The following DLGAP1 variants were observed in gnomAD, a reference collection of about 807,000 sequenced individuals.
DLGAP1 encodes disks large-associated protein 1.
In DLGAP1, 11 loss-of-function variants were observed where a neutral mutation model predicts 90.8. The ratio of observed to expected loss-of-function variants is 0.12; its 90% CI spans 0.08 to 0.20. The LOEUF (loss-of-function observed/expected upper bound fraction) is 0.20. Among genes scored for constraint, DLGAP1 ranks in the 10% least tolerant of loss-of-function variants. DLGAP1 has a pLI of 1.00. For synonymous variants in DLGAP1, 558 were observed against 540.7 expected, an observed-to-expected ratio of 1.03 and a Z score of -0.44; for missense variants, 1,050 against 1,333.8, an observed-to-expected ratio of 0.79 and a Z score of 3.31.
chr18:4,443,426 C>G (rs11081117), intron 1 of DLGAP1, among the ~76,000 whole-genome samples: 11,669 of 152,196 alleles, frequency 0.077, 495 homozygotes, highest in Middle Eastern at 0.19. Flanking sequence ...GTTTCTGCAG[C>G]AGAAGGGATG....
At chr18:3,547,580 C>T (rs1400730710) in intron 9 of DLGAP1, among the ~76,000 whole-genome samples, 1 of 116,390 alleles carries the variant, frequency 8.6e-6, no homozygotes, top group Admixed American at 1.0e-4. Context: ...ACTTCATACC[C>T]AATAGGATAG....
chr18:4,220,414 C>G (rs1470747171), intron 1 of DLGAP1, among the ~76,000 whole-genome samples: 1 of 152,132 alleles, frequency 6.6e-6, no homozygotes, highest in African/African-American at 2.4e-5. Flanking sequence ...TGCATGAGTG[C>G]AACTCAACTG....
In DLGAP1 at chr18:4,112,085, T is replaced by C. The variant is rs568122381; in HGVS notation, c.-159+39095A>G. 2.0e-5 allele frequency among the ~76,000 whole-genome samples: 3 copies of C among 152,132 alleles called. No homozygotes were observed. The South Asian group carries it at 6.2e-4, about 31-fold the overall frequency. ...GCACTTACAGCTACAAACTTCCCTGTGATCACTGCTTTAGCTACAATCCAT... is the reference window on the plus strand; with the variant it reads ...GCACTTACAGCTACAAACTTCCCTGCGATCACTGCTTTAGCTACAATCCAT... On this transcript the variant is annotated intron_variant, in intron 2 of 12. Coordinates refer to ENST00000315677, the MANE Select transcript of DLGAP1 (RefSeq NM_004746.4).
intron 7 of DLGAP1, among the ~76,000 whole-genome samples, chr18:3,670,881 T>A (rs981341295): frequency 1.3e-5 from 2 of 152,248 alleles, no homozygotes; most frequent in African/African-American, 4.8e-5. Context: ...CTGTTAGTTT[T>A]ATTTTAGTTT....
chr18:4,118,557 G>C (rs937774872), intron 2 of DLGAP1, among the ~76,000 whole-genome samples: 2 of 152,106 alleles, frequency 1.3e-5, no homozygotes, highest in African/African-American at 4.8e-5. Context: ...AGTCACCCCC[G>C]CCTACAATGG....
chr18:4,093,071 T>C (rs753235623), intron 2 of DLGAP1, among the ~76,000 whole-genome samples: 60 of 152,230 alleles, frequency 3.9e-4, no homozygotes, highest in Non-Finnish European at 7.6e-4. Flanking sequence ...AGAACATTTA[T>C]GACATGGTAG....
intron 4 of DLGAP1, among the ~76,000 whole-genome samples, chr18:3,877,773 G>C (rs1424453301): frequency 6.6e-6 from 1 of 152,212 alleles, no homozygotes; most frequent in South Asian, 2.1e-4. Flanking sequence ...CATATGCTAA[G>C]TGGATTAAAT....
intron 9 of DLGAP1, among the ~76,000 whole-genome samples, chr18:3,550,735 T>A (rs1035292622): frequency 1.1e-4 from 1 of 8,718 alleles, no homozygotes; most frequent in Non-Finnish European, 7.8e-4. Context: ...AACCAGACCC[T>A]TTTTTTTTTT....
intron 7 of DLGAP1, among the ~76,000 whole-genome samples, chr18:3,590,428 T>C (rs2056167124): frequency 6.6e-6 from 1 of 152,186 alleles, no homozygotes; most frequent in African/African-American, 2.4e-5. Flanking sequence ...GTGGATTTTC[T>C]TCAATCAGAG....
At chr18:4,300,458 C>A (rs770244002) in intron 1 of DLGAP1, among the ~76,000 whole-genome samples, 17 of 152,186 alleles carry the variant, frequency 1.1e-4, no homozygotes, top group Admixed American at 2.6e-4. Context: ...GATACACCTA[C>A]AAACTCATTC....
intron 1 of DLGAP1, among the ~76,000 whole-genome samples, chr18:4,231,558 ATC>A (rs2078298904): frequency 6.6e-6 from 1 of 152,082 alleles, no homozygotes; most frequent in South Asian, 2.1e-4. Context: ...CCACTGTGTG[ATC>A]TCTCTGTTAG....
At chr18:3,532,475 G>T (rs2052074485) in intron 10 of DLGAP1, among the ~76,000 whole-genome samples, 1 of 151,850 alleles carries the variant, frequency 6.6e-6, no homozygotes, top group Admixed American at 6.6e-5. Context: ...GCTACCTGGA[G>T]GCTGAGGCAG....
At chr18:3,898,230 A>G (rs2071698105) in intron 3 of DLGAP1, among the ~76,000 whole-genome samples, 2 of 152,224 alleles carry the variant, frequency 1.3e-5, no homozygotes. Flanking sequence ...GTGCTCAAAA[A>G]GCTTTGGATT....
intron 6 of DLGAP1, among the ~76,000 whole-genome samples, chr18:3,741,599 T>C (rs1598546258): frequency 1.3e-5 from 2 of 151,694 alleles, no homozygotes; most frequent in African/African-American, 2.4e-5. Flanking sequence ...ATCACCACCA[T>C]CGCCATCATC....
chr18:3,682,404 A>G (rs745604250), intron 7 of DLGAP1, among the ~76,000 whole-genome samples: 1 of 152,226 alleles, frequency 6.6e-6, no homozygotes, highest in Non-Finnish European at 1.5e-5. Context: ...GTATTCCTTT[A>G]TAACAATGTG....
intron 1 of DLGAP1, among the ~76,000 whole-genome samples, chr18:4,431,864 C>T (rs2083291240): frequency 6.6e-6 from 1 of 152,142 alleles, no homozygotes; most frequent in South Asian, 2.1e-4. Flanking sequence ...ATGAACACTG[C>T]CATTTTCTTC....
intron 9 of DLGAP1, among the ~76,000 whole-genome samples, chr18:3,561,870 T>C (rs566304352): frequency 1.3e-5 from 2 of 151,084 alleles, no homozygotes; most frequent in South Asian, 2.1e-4. Flanking sequence ...TACAGTTCCA[T>C]GTGGCTGGGG....
In DLGAP1 at chr18:4,342,236, T is replaced by C. The variant is rs1010879278; in HGVS notation, c.-267+112770A>G. Among the ~76,000 whole-genome samples the C allele has an allele frequency of 1.3e-5, 2 of 152,150 alleles. No individual in the cohort carries two copies. The highest frequency in any genetic ancestry group is 2.9e-5 in the Non-Finnish European group (2 of 68,034). ...TAGAAATGGTAACCCTGGGATCACCTACAACAGAGCCCCTGAACTTGATTC... is the reference window on the plus strand; with the variant it reads ...TAGAAATGGTAACCCTGGGATCACCCACAACAGAGCCCCTGAACTTGATTC... On this transcript the variant is annotated intron_variant, in intron 1 of 12. Transcript: ENST00000315677. The surrounding 1 kb of genome is among the most constrained non-coding windows in gnomAD (Gnocchi z 5.8).
chr18:4,220,011 A>G (rs767268499), intron 1 of DLGAP1, among the ~76,000 whole-genome samples: 2 of 151,980 alleles, frequency 1.3e-5, no homozygotes, highest in Non-Finnish European at 2.9e-5. Context: ...TTCTGTTTCT[A>G]TGAAAGATGA....
Sources: gnomAD v4.1 joint callset for allele counts (sites outside exome capture counted in the v4.1 genomes callset) on GRCh38, gnomAD v4.1.1 for gene constraint, Gnocchi (gnomAD v3.1) non-coding constraint, MANE v1.5 for transcripts, NCBI Gene and HGNC (gene_info 2026-07-23, HGNC 2026-07-21) for gene names.